GPRASP3: variants seen among roughly 807,000 people sequenced by gnomAD.
The protein encoded by GPRASP3 is G protein-coupled receptor associated sorting protein 3.
At chrX:102,733,316 G>A in the GPRASP3 span, among the ~76,000 whole-genome samples, 85 of 109,923 alleles carry the variant, frequency 7.7e-4, no homozygotes, top group African/African-American at 2.8e-3. Context: ...AAAATTAGCC[G>A]GGCATGGTGG....
At chrX:102,741,281 G>T in the GPRASP3 span, among the ~76,000 whole-genome samples, 1 of 112,220 alleles carries the variant, frequency 8.9e-6, no homozygotes, top group South Asian at 3.7e-4. Flanking sequence ...GTTTAATCTC[G>T]ATCCTAGGAC....
the GPRASP3 span, among the ~76,000 whole-genome samples, chrX:102,732,567 T>G: frequency 2.7e-5 from 3 of 112,239 alleles, no homozygotes; most frequent in Middle Eastern, 4.2e-3. Context: ...TAAAAACAAC[T>G]GATGAGACTA....
the GPRASP3 span, among the ~76,000 whole-genome samples, chrX:102,733,460 CAAA>C: frequency 4.4e-5 from 2 of 45,818 alleles, no homozygotes. Context: ...AACTCCATCT[CAAA>C]AAAAAAAAAA....
At chrX:102,729,480 T>C in the GPRASP3 span, among the ~76,000 whole-genome samples, 2 of 112,344 alleles carry the variant, frequency 1.8e-5, no homozygotes, top group African/African-American at 6.5e-5. Flanking sequence ...GGCTTTATTA[T>C]AATAATAGTG....
At chrX:102,725,510 C>T in the GPRASP3 span, among the ~76,000 whole-genome samples, 1 of 109,995 alleles carries the variant, frequency 9.1e-6, no homozygotes. Flanking sequence ...TTTTATTTGC[C>T]ACTTGGCCAC....
chrX:102,746,259 G>C, the GPRASP3 span: 4 of 111,862 alleles, frequency 3.6e-5, no homozygotes, highest in Non-Finnish European at 1.9e-5. Flanking sequence ...ATCCTGGCAA[G>C]GAGGAGACGA....
the GPRASP3 span, among the ~76,000 whole-genome samples, chrX:102,740,469 A>G: frequency 8.9e-6 from 1 of 112,052 alleles, no homozygotes; most frequent in Non-Finnish European, 1.9e-5. Flanking sequence ...AGTCCCTTAA[A>G]ATACCTGTAA....
the GPRASP3 span, among the ~76,000 whole-genome samples, chrX:102,728,631 G>A: frequency 1.2e-5 from 1 of 82,123 alleles, no homozygotes; most frequent in African/African-American, 5.0e-5. Context: ...TGCCTAGGCT[G>A]CTCTTGAGCT....
chrX:102,732,633 C>T, the GPRASP3 span, among the ~76,000 whole-genome samples: 1 of 111,791 alleles, frequency 8.9e-6, no homozygotes, highest in Non-Finnish European at 1.9e-5. Flanking sequence ...CTCTCCAGTC[C>T]TCGTGATTTT....
the GPRASP3 span, chrX:102,750,562 G>A: frequency 3.3e-6 from 4 of 1,203,358 alleles, no homozygotes; most frequent in Non-Finnish European, 4.5e-6. Context: ...AGGCTCAATT[G>A]TAGTTGTTGA....
chrX:102,722,309 T>C, the GPRASP3 span, among the ~76,000 whole-genome samples: 9 of 111,878 alleles, frequency 8.0e-5, no homozygotes, highest in African/African-American at 2.9e-4. Context: ...TTATAAAGGA[T>C]ATAAATCAAA....
the GPRASP3 span, among the ~76,000 whole-genome samples, chrX:102,733,439 A>G: frequency 1.9e-5 from 2 of 107,112 alleles, no homozygotes; most frequent in Non-Finnish European, 3.9e-5. Flanking sequence ...AGCCTGGGCA[A>G]CAAAGAGCGA....
At chrX:102,742,717 C>T in the GPRASP3 span, among the ~76,000 whole-genome samples, 1 of 111,387 alleles carries the variant, frequency 9.0e-6, no homozygotes, top group Non-Finnish European at 1.9e-5. Flanking sequence ...ATAGGAGATT[C>T]GTGAAGGTCA....
chrX:102,733,554 ATACTT>A, the GPRASP3 span, among the ~76,000 whole-genome samples: 1 of 110,527 alleles, frequency 9.0e-6, no homozygotes, highest in Non-Finnish European at 1.9e-5. Context: ...TCACAGGAGT[ATACTT>A]TACTCAATTG....
the GPRASP3 span, among the ~76,000 whole-genome samples, chrX:102,731,760 C>T: frequency 8.9e-6 from 1 of 111,948 alleles, no homozygotes; most frequent in Non-Finnish European, 1.9e-5. Context: ...GGTTCCTTTC[C>T]CGTGATTCCT....
the GPRASP3 span, chrX:102,746,235 C>T: frequency 9.0e-6 from 1 of 111,486 alleles, no homozygotes; most frequent in African/African-American, 3.3e-5. Context: ...GCAGCCTGCC[C>T]CGCCGACCCT....
At chrX:102,748,430 T>C in the GPRASP3 span, among the ~76,000 whole-genome samples, 1 of 112,057 alleles carries the variant, frequency 8.9e-6, no homozygotes, top group Non-Finnish European at 1.9e-5. Flanking sequence ...CCAAAGAGAC[T>C]GGGCACTCCT....
the GPRASP3 span, among the ~76,000 whole-genome samples, chrX:102,729,711 A>G: frequency 8.9e-6 from 1 of 112,062 alleles, no homozygotes; most frequent in South Asian, 3.7e-4. Flanking sequence ...CTCTACTAAA[A>G]GTACAAAAAT....
the GPRASP3 span, among the ~76,000 whole-genome samples, chrX:102,736,792 C>T: frequency 2.7e-5 from 3 of 111,754 alleles, no homozygotes; most frequent in African/African-American, 9.8e-5. Context: ...CTGCCATTAG[C>T]CATCCATATA....
Sources: gnomAD v4.1 joint callset for allele counts (sites outside exome capture counted in the v4.1 genomes callset) on GRCh38, gnomAD v4.1.1 for gene constraint, MANE v1.5 for transcripts, NCBI Gene and HGNC (gene_info 2026-07-23, HGNC 2026-07-21) for gene names.